BIRC6: variants seen among roughly 807,000 people sequenced by gnomAD.
The protein encoded by BIRC6 is baculoviral IAP repeat containing 6, also known as dual E2 ubiquitin-conjugating enzyme/E3 ubiquitin-protein ligase BIRC6.
BIRC6 carries 98 observed loss-of-function variants against 503.3 expected under a neutral mutation model. The observed-to-expected ratio is 0.19, with a 90% CI of 0.17 to 0.23. The LOEUF is 0.23. Among genes scored for constraint, BIRC6 ranks in the 10% least tolerant of loss-of-function variants. BIRC6 has a pLI of 1.00. For missense variants in BIRC6, 5,360 were observed against 5,806.0 expected (o/e 0.92, Z 2.50); for synonymous variants, 2,240 against 2,078.7 (o/e 1.08, Z -2.11).
rs903957793 is a variant in BIRC6 at position 32,479,314 on chromosome 2, G to T, written c.7253-148G>T. 5.8e-6 allele frequency: 4 copies of T among 688,082 alleles called. No homozygotes were observed. The African/African-American group carries it at 7.2e-5, about 12-fold the overall frequency. The allele number at this position is 688,082 out of a possible 1,614,324, so 42.6% of individuals were successfully genotyped here. A position where few individuals can be genotyped will look rare whatever the true frequency, so the allele number is the denominator to read the frequency against. On this transcript the variant is annotated intron_variant, in intron 36 of 73. Transcript: ENST00000421745. Reference sequence around the variant, plus strand: ...TGGAGTGAGTCCTAGCATTCCTTACGGGGGTGGGAACTCATTTGCCTCAGA... The same window carrying T: ...TGGAGTGAGTCCTAGCATTCCTTACTGGGGTGGGAACTCATTTGCCTCAGA...
At chr2:32,484,380 C>T (rs1426856445) in intron 39 of BIRC6, among the ~76,000 whole-genome samples, 1 of 151,854 alleles carries the variant, frequency 6.6e-6, no homozygotes, top group Non-Finnish European at 1.5e-5. Flanking sequence ...GGTGAAACCC[C>T]ATCTCTACTA....
intron 65 of BIRC6, among the ~76,000 whole-genome samples, chr2:32,562,597 A>C (rs1573026382): frequency 6.6e-6 from 1 of 152,206 alleles, no homozygotes; most frequent in South Asian, 2.1e-4. Flanking sequence ...TTAATCCTGC[A>C]TCCCTTCCTA....
intron 10 of BIRC6, among the ~76,000 whole-genome samples, chr2:32,420,415 T>C (rs939734014): frequency 2.0e-5 from 3 of 152,154 alleles, no homozygotes; most frequent in African/African-American, 7.2e-5. Flanking sequence ...GGTTTTTTAT[T>C]TTTTATTTTT....
At chr2:32,529,477 C>A in intron 59 of BIRC6, 174 bp from the exon 60 acceptor site, 1 of 550,078 alleles carries the variant, frequency 1.8e-6, no homozygotes, top group Non-Finnish European at 3.0e-6. Context: ...TATTATATGT[C>A]AGAAATAAAC....
intron 1 of BIRC6, among the ~76,000 whole-genome samples, chr2:32,376,334 T>C (rs980219867): frequency 1.3e-5 from 2 of 152,058 alleles, no homozygotes; most frequent in Non-Finnish European, 2.9e-5. Flanking sequence ...CTCACTGCAA[T>C]AGGAACAAAA....
intron 15 of BIRC6, among the ~76,000 whole-genome samples, chr2:32,436,773 A>G (rs974208960): frequency 2.0e-5 from 3 of 152,024 alleles, no homozygotes; most frequent in African/African-American, 4.8e-5. Context: ...CATGTTGGCC[A>G]AGCTGGTCTG....
chr2:32,472,267 C>T (rs190911309), intron 32 of BIRC6, among the ~76,000 whole-genome samples: 2 of 152,262 alleles, frequency 1.3e-5, no homozygotes, highest in African/African-American at 2.4e-5. Context: ...CGAGGTTTCA[C>T]CATATTGGCC....
chr2:32,360,461 G>A (rs1198304307), intron 1 of BIRC6, among the ~76,000 whole-genome samples: 2 of 152,174 alleles, frequency 1.3e-5, no homozygotes, highest in East Asian at 3.9e-4. Flanking sequence ...TGAGCTGCGT[G>A]ATCTGGCTTT....
Position 32,369,772 on chromosome 2 carries a change from T to C in BIRC6, c.326-7816T>C, listed in dbSNP as rs538619259. ...TAAGGGTTCTCTTGCCCAACATCAGTTGGGGAAGTTAGTCTTCAAATTTTA... is the reference window on the plus strand; with the variant it reads ...TAAGGGTTCTCTTGCCCAACATCAGCTGGGGAAGTTAGTCTTCAAATTTTA... On this transcript the variant is annotated intron_variant, in intron 1 of 73. Transcript: ENST00000421745. Among the ~76,000 whole-genome samples, 5 of 150,806 alleles carry C rather than the reference T, an allele frequency of 3.3e-5. No homozygotes were observed. The East Asian group carries it at 9.8e-4, about 30-fold the overall frequency.
chr2:32,405,573 G>T (rs574293392), intron 8 of BIRC6, among the ~76,000 whole-genome samples: 1 of 152,122 alleles, frequency 6.6e-6, no homozygotes, highest in Non-Finnish European at 1.5e-5. Context: ...TTGGGAGACC[G>T]AGGCGGGAGG....
rs1333854667 is a variant in BIRC6 at position 32,453,803 on chromosome 2, A to T, written c.4619-5A>T. ...CGTGTTATAAAACTTGTCTTTTGCC[A>T]TTAGGAAATGGAAAGGTCAGTAGTT... On this transcript the variant is annotated splice_polypyrimidine_tract_variant and splice_region_variant and intron_variant, in intron 22 of 73. Coordinates refer to ENST00000421745, the MANE Select transcript of BIRC6 (RefSeq NM_016252.4). 1 of 1,611,084 alleles carries T rather than the reference A, an allele frequency of 6.2e-7. No individual in the cohort carries two copies. The highest frequency in any genetic ancestry group is 8.5e-7 in the Non-Finnish European group (1 of 1,178,980).
At chr2:32,451,827 G>C (rs1291794261) in intron 22 of BIRC6, among the ~76,000 whole-genome samples, 1 of 152,176 alleles carries the variant, frequency 6.6e-6, no homozygotes, top group Non-Finnish European at 1.5e-5. Flanking sequence ...TAGCTTCCCA[G>C]TATGTAGACT....
chr2:32,384,914 C>T (rs970497860), intron 3 of BIRC6, among the ~76,000 whole-genome samples: 1 of 152,118 alleles, frequency 6.6e-6, no homozygotes, highest in Non-Finnish European at 1.5e-5. Context: ...TATTTTTACC[C>T]TCTGAGAGTT....
intron 9 of BIRC6, among the ~76,000 whole-genome samples, chr2:32,407,918 T>C (rs1252740974): frequency 6.6e-6 from 1 of 152,150 alleles, no homozygotes; most frequent in Non-Finnish European, 1.5e-5. Context: ...CCTATTTTGT[T>C]CTTTTGCAAA....
At chr2:32,491,341 T>G in intron 43 of BIRC6, 84 bp from the exon 44 acceptor site, 1 of 1,318,682 alleles carries the variant, frequency 7.6e-7, no homozygotes, top group East Asian at 2.5e-5. Flanking sequence ...GAATTTTCCT[T>G]GGAACTAAAA....
intron 45 of BIRC6, among the ~76,000 whole-genome samples, chr2:32,499,135 T>C (rs2052843719): frequency 2.0e-5 from 3 of 152,254 alleles, no homozygotes; most frequent in Admixed American, 2.0e-4. Context: ...AATGATTTGA[T>C]TGAATCTTAA....
chr2:32,377,729 A>G lies in BIRC6; in HGVS notation c.467A>G (p.Lys156Arg). ...ACTGCTCTGCAAACTCCAGTTTCAA[A>G]GCAGGATGATGTGGTTCAGCTTGAA... ...LDTALQTPVS[K>R]QDDVVQLELP... is the part of the protein sequence containing the mutation. The change falls in exon 2 of 74, where the codon AAG becomes AGG. Residue 156 changes from lysine to arginine, a missense_variant. This residue lies in a region of BIRC6 where 134 missense variants were observed against 150.9 expected (regional missense o/e 0.89). Coordinates refer to ENST00000421745, the MANE Select transcript of BIRC6 (RefSeq NM_016252.4). The G allele has an allele frequency of 6.2e-7, 1 of 1,613,766 alleles. No individual in the cohort carries two copies. The highest frequency in any genetic ancestry group is 8.5e-7 in the Non-Finnish European group (1 of 1,179,788).
chr2:32,522,359 T>C (rs758462108), intron 57 of BIRC6: 1 of 151,948 alleles, frequency 6.6e-6, no homozygotes, highest in Non-Finnish European at 1.5e-5. Flanking sequence ...TCATGAAATA[T>C]AATGATATTA....
Position 32,531,342 on chromosome 2 carries a change from A to T in BIRC6, c.12095-13A>T, listed in dbSNP as rs773186892. ...TTTCTTACCTATTCAGTTATTTGTA[A>T]TTTATTGTCTAGATCATGGAGACTT... On this transcript the variant is annotated splice_polypyrimidine_tract_variant and intron_variant, in intron 60 of 73. Transcript: ENST00000421745. The T allele has an allele frequency of 6.9e-6, 11 of 1,589,896 alleles. No individual in the cohort carries two copies. The highest frequency in any genetic ancestry group is 9.4e-6 in the Non-Finnish European group (11 of 1,167,028).
Sources: allele counts gnomAD v4.1 joint callset (sites outside exome capture counted in the v4.1 genomes callset), GRCh38; gene constraint gnomAD v4.1.1; regional missense constraint gnomAD v4.1.1; transcripts MANE v1.5; gene names NCBI Gene and HGNC (gene_info 2026-07-23, HGNC 2026-07-21).